The following GIGYF1 variants were observed in gnomAD, a reference collection of about 807,000 sequenced individuals.
GIGYF1 encodes GRB10-interacting GYF protein 1.
GIGYF1 carries 84 observed loss-of-function variants against 147.1 expected under a neutral mutation model. The ratio of observed to expected loss-of-function variants is 0.57; its 90% CI spans 0.48 to 0.68. The LOEUF is 0.68. Among genes scored for constraint, GIGYF1 ranks in the 30% least tolerant of loss-of-function variants. The pLI, the probability that GIGYF1 is intolerant of heterozygous loss-of-function variation, is 0.00. For synonymous variants in GIGYF1, 752 were observed against 589.5 expected, an observed-to-expected ratio of 1.28 and a Z score of -3.99; for missense variants, 1,485 against 1,393.7, an observed-to-expected ratio of 1.07 and a Z score of -1.04.
At position 100,689,248 on chromosome 7, in the gene GIGYF1, A is replaced by G. The variant is rs1035498521; in HGVS notation, c.-791T>C. ...CACACCCAGACCACCGCCCCCAATC[A>G]ATAATGGAGGCTTAAACAACCAAGC... On this transcript the variant is annotated 5_prime_UTR_variant, in exon 2 of 27. Transcript: ENST00000678049. 13 of 152,240 alleles carry G rather than the reference A, an allele frequency of 8.5e-5. No individual in the cohort carries two copies. The highest frequency in any genetic ancestry group is 3.1e-4 in the African/African-American group (13 of 41,434). 9.4% of individuals were successfully genotyped at this position (152,240 alleles called of 1,614,324 possible).
intron 12 of GIGYF1, 24 bp downstream of exon 12, chr7:100,685,950 C>T (rs770698347): frequency 6.3e-7 from 1 of 1,594,374 alleles, no homozygotes; most frequent in East Asian, 2.2e-5. Context: ...CAGCCCCAGG[C>T]CCGCTGGGCA....
chr7:100,687,777 C>G lies in GIGYF1; in HGVS notation c.261+11G>C. The G allele has an allele frequency of 6.2e-7, 1 of 1,611,182 alleles. No homozygotes were observed. The highest frequency in any genetic ancestry group is 8.5e-7 in the Non-Finnish European group (1 of 1,179,584). Reference sequence around the variant, plus strand: ...AGGCTCCCGCAGCCTCAGCTCCTGGCCCGGTCCCACCTGTTCCTCCTCAGT... The same window carrying G: ...AGGCTCCCGCAGCCTCAGCTCCTGGGCCGGTCCCACCTGTTCCTCCTCAGT... On this transcript the variant is annotated intron_variant, in intron 6 of 26. Coordinates refer to ENST00000678049, the MANE Select transcript of GIGYF1 (RefSeq NM_001375765.1).
At chr7:100,690,781 CAAAA>C (rs34194201) in intron 1 of GIGYF1, among the ~76,000 whole-genome samples, 19 of 93,582 alleles carry the variant, frequency 2.0e-4, no homozygotes, top group African/African-American at 8.5e-4. Context: ...GACTCTGTCT[CAAAA>C]AAAAAAAAAA....
intron 12 of GIGYF1, 88 bp downstream of exon 12, chr7:100,685,886 G>C (rs1328028386): frequency 5.7e-6 from 6 of 1,047,736 alleles, no homozygotes; most frequent in Non-Finnish European, 8.6e-6. Flanking sequence ...GATTCTACAG[G>C]TAGGTGGGCA....
chr7:100,686,727 CCT>C lies in GIGYF1; in HGVS notation c.614_615del (p.Gln205ArgfsTer27). Reference protein sequence around the residue: ...SENWRSLREEQEEEEEGSWRL... With the variant: ...SENWRSLREEXEEEEEGSWRL... ...CTCCAGCTGCCCTCCTCCTCCTCCT[CCT>C]GTTCCTCCCGTAGGGAGCGCCAGTT... On this transcript the variant is annotated frameshift_variant, in exon 10 of 27. Coordinates refer to ENST00000678049, the MANE Select transcript of GIGYF1 (RefSeq NM_001375765.1). LOFTEE classifies it high-confidence loss of function. 6.2e-7 allele frequency: 1 copy of C among 1,613,760 alleles called. No homozygotes were observed. The highest frequency in any genetic ancestry group is 8.5e-7 in the Non-Finnish European group (1 of 1,179,944).
At chr7:100,682,866 G>C in intron 22 of GIGYF1, 89 bp from the exon 23 acceptor site, 1 of 1,354,250 alleles carries the variant, frequency 7.4e-7, no homozygotes, top group East Asian at 2.4e-5. Context: ...AAGGGAGACA[G>C]GTGAGGTGAG....
intron 1 of GIGYF1, among the ~76,000 whole-genome samples, chr7:100,692,117 C>A (rs552261651): frequency 6.6e-6 from 1 of 152,242 alleles, no homozygotes; most frequent in Non-Finnish European, 1.5e-5. Flanking sequence ...CAGCCCCAGG[C>A]CTGCTGGAGG....
At position 100,687,593 on chromosome 7, in the gene GIGYF1, G is replaced by A. The variant is rs772596384; in HGVS notation, c.285C>T (p.Asn95=). 4.4e-5 allele frequency: 71 copies of A among 1,612,116 alleles called. No homozygotes were observed. The South Asian group carries it at 6.9e-4, about 16-fold the overall frequency. The change falls in exon 7 of 27, where the codon AAC becomes AAT. Residue 95 remains asparagine (N), a synonymous_variant. Coordinates refer to ENST00000678049, the MANE Select transcript of GIGYF1 (RefSeq NM_001375765.1). The part of the protein sequence containing the change: ...EEQRNFSLSV[N]SVAVLRLMGK... ...CCATCAGCCTCAGCACAGCCACGCT[G>A]TTCACTGACAGGGAGAAGTTTCTCT... is the stretch of plus-strand genomic sequence containing the variant.
At chr7:100,688,428 AC>A in intron 3 of GIGYF1, 22 bp downstream of exon 3, 1 of 700,938 alleles carries the variant, frequency 1.4e-6, no homozygotes, top group Non-Finnish European at 2.6e-6. Flanking sequence ...CTGGTGGGTC[AC>A]CTGGGGTCTA....
In GIGYF1 at chr7:100,686,768, C is replaced by T. The variant is rs751386897; in HGVS notation, c.575G>A (p.Arg192His). ...GGAGPRKEHA[R>H]SDSENWRSLR... ...GGAGCGCCAGTTCTCGCTGTCTGAG[C>T]GGGCGTGCTCCTTCCTTGGGCCAGC... Residue 192 changes from arginine (R) to histidine (H), a missense_variant, in exon 10 of 27, where the codon CGC (arginine) becomes CAC (histidine). Arg to His is a conservative substitution (Grantham distance 29). Transcript: ENST00000678049. 6.2e-6 allele frequency: 10 copies of T among 1,613,924 alleles called. No individual in the cohort carries two copies. The highest frequency in any genetic ancestry group is 2.7e-5 in the African/African-American group (2 of 74,932).
chr7:100,683,392 C>T lies in GIGYF1; in HGVS notation c.2105G>A (p.Arg702His), dbSNP rs748843458. 1.5e-5 allele frequency: 24 copies of T among 1,613,432 alleles called. No homozygotes were observed. Among genetic ancestry groups the T allele is most frequent in the South Asian group, 3.3e-5 (3 of 91,094 alleles). Residue 702 changes from arginine to histidine, a missense_variant, in exon 21 of 27, where the codon CGC (arginine) becomes CAC (histidine). Arg to His is a conservative substitution (Grantham distance 29). Coordinates refer to ENST00000678049, the MANE Select transcript of GIGYF1 (RefSeq NM_001375765.1). ...GCGGCGCTTCTCCTCTCGACGCTTG[C>T]GTTCCTCTTCCTCCCGCTTCGCCCT... ...ELRAKREEEE[R>H]KRREEKRRQQ...
chr7:100,681,328 T>A lies in GIGYF1; in HGVS notation c.*391A>T, dbSNP rs1487466059. 2 of 96,632 alleles carry A rather than the reference T, an allele frequency of 2.1e-5. No homozygotes were observed. The highest frequency in any genetic ancestry group is 4.7e-5 in the Non-Finnish European group (2 of 42,512). 6.0% of individuals were successfully genotyped at this position (96,632 alleles called of 1,614,324 possible). On this transcript the variant is annotated 3_prime_UTR_variant, in exon 27 of 27. Transcript: ENST00000678049. ...TTTTTTCTTTCAGCCTCCTAACCAT[T>A]TTTTTTTTCATTTTTCATCTTTTTT...
intron 1 of GIGYF1, among the ~76,000 whole-genome samples, chr7:100,692,623 G>A (rs1311339968): frequency 6.6e-6 from 1 of 152,192 alleles, no homozygotes; most frequent in Non-Finnish European, 1.5e-5. Context: ...GTAAAAGTTA[G>A]GGCTAACGCA....
chr7:100,681,800 C>T (rs748841919), intron 26 of GIGYF1, 29 bp from the exon 27 acceptor site: 9 of 1,594,198 alleles, frequency 5.6e-6, no homozygotes, highest in Non-Finnish European at 6.0e-6. Flanking sequence ...TGCGTCTGAG[C>T]TCTCTCCTGG....
At chr7:100,685,934 C>T (rs1238817446) in intron 12 of GIGYF1, 40 bp downstream of exon 12, 1 of 1,560,436 alleles carries the variant, frequency 6.4e-7, no homozygotes, top group Non-Finnish European at 8.8e-7. Flanking sequence ...CAGTGCCTGC[C>T]CGGCCCAGCC....
chr7:100,685,941 A>G (rs1482891539), intron 12 of GIGYF1, 33 bp downstream of exon 12: 2 of 1,582,300 alleles, frequency 1.3e-6, no homozygotes, highest in Non-Finnish European at 1.7e-6. Flanking sequence ...TGCCCGGCCC[A>G]GCCCCAGGCC....
intron 1 of GIGYF1, among the ~76,000 whole-genome samples, chr7:100,690,160 A>G (rs1805717015): frequency 6.6e-6 from 1 of 152,242 alleles, no homozygotes; most frequent in Non-Finnish European, 1.5e-5. Flanking sequence ...TTTTTAAAAA[A>G]GCTTTAGGGA....
In GIGYF1 at chr7:100,684,462, A is replaced by T. The variant is rs774198766; in HGVS notation, c.1617T>A (p.Pro539=). The T allele has an allele frequency of 1.9e-6, 3 of 1,612,502 alleles. No individual in the cohort carries two copies. The highest frequency in any genetic ancestry group is 2.5e-6 in the Non-Finnish European group (3 of 1,179,918). Residue 539 remains proline, a synonymous_variant, in exon 16 of 27, where the codon CCT becomes CCA. Transcript: ENST00000678049. ...AGAAGCGGCTCACCAGCAGTGGGGGAGGTGAGGGCCCTGGGGCAAAGGGCA... is the reference window on the plus strand; with the variant it reads ...AGAAGCGGCTCACCAGCAGTGGGGGTGGTGAGGGCCCTGGGGCAAAGGGCA... ...GRVPFAPGPS[P]PPLLGNMDQE... is the part of the protein sequence containing the mutation.
At chr7:100,690,207 G>C (rs113198914) in intron 1 of GIGYF1, among the ~76,000 whole-genome samples, 3 of 152,286 alleles carry the variant, frequency 2.0e-5, no homozygotes, top group African/African-American at 7.2e-5. Context: ...GCATACCTAA[G>C]TTTTCCCCAC....
Sources: allele counts gnomAD v4.1 joint callset (sites outside exome capture counted in the v4.1 genomes callset), GRCh38; gene constraint gnomAD v4.1.1; transcripts MANE v1.5; gene names NCBI Gene and HGNC (gene_info 2026-07-23, HGNC 2026-07-21).